Variants in SUMF1 observed in about 807,000 individuals in gnomAD.
SUMF1 encodes the protein formylglycine-generating enzyme.
Under a neutral mutation model 47.6 loss-of-function variants are expected in SUMF1, and 48 were observed. That is an observed-to-expected ratio of 1.01 (90% CI 0.80 to 1.28). SUMF1 has a LOEUF of 1.28. SUMF1 is among the 50% of genes most tolerant of loss of function. SUMF1 has a pLI of 0.00. For missense variants in SUMF1, 571 were observed against 485.4 expected, an observed-to-expected ratio of 1.18 and a Z score of -1.66; for synonymous variants, 230 against 192.1, an observed-to-expected ratio of 1.20 and a Z score of -1.63.
intron 8 of SUMF1, among the ~76,000 whole-genome samples, chr3:4,207,220 CTTA>C (rs1337679918): frequency 6.6e-6 from 1 of 152,050 alleles, no homozygotes; most frequent in Non-Finnish European, 1.5e-5. Context: ...GTTAAACTTG[CTTA>C]TTAAGGCAGA....
intron 8 of SUMF1, among the ~76,000 whole-genome samples, chr3:4,350,405 AAT>A (rs1699475020): frequency 6.6e-6 from 1 of 151,046 alleles, no homozygotes; most frequent in African/African-American, 2.4e-5. Context: ...ATATATATTC[AAT>A]ATATATCCAT....
intron 8 of SUMF1, among the ~76,000 whole-genome samples, chr3:4,324,038 G>A (rs1476184282): frequency 1.3e-5 from 2 of 152,088 alleles, no homozygotes; most frequent in African/African-American, 4.8e-5. Flanking sequence ...TATAGATTTA[G>A]CAGATGATGA....
chr3:4,139,402 C>T (rs561828682), intron 8 of SUMF1, among the ~76,000 whole-genome samples: 1 of 151,972 alleles, frequency 6.6e-6, no homozygotes, highest in African/African-American at 2.4e-5. Flanking sequence ...TAATAGCATT[C>T]TGTGAGAATC....
intron 8 of SUMF1, among the ~76,000 whole-genome samples, chr3:4,218,922 G>A (rs2125171972): frequency 6.6e-6 from 1 of 152,234 alleles, no homozygotes; most frequent in South Asian, 2.1e-4. Context: ...ATTAAACGCA[G>A]CCAAATTCGT....
intron 8 of SUMF1, among the ~76,000 whole-genome samples, chr3:4,200,301 C>A (rs1484812116): frequency 1.3e-5 from 2 of 150,644 alleles, no homozygotes; most frequent in Non-Finnish European, 2.9e-5. Context: ...TACAGTGTTT[C>A]CAGAGGAGAC....
chr3:4,312,134 C>G (rs533969364), intron 8 of SUMF1, among the ~76,000 whole-genome samples: 1 of 152,018 alleles, frequency 6.6e-6, no homozygotes, highest in Non-Finnish European at 1.5e-5. Flanking sequence ...CTAGTAATAT[C>G]TATTTAAGAA....
At chr3:4,301,664 G>T (rs1301398816) in intron 8 of SUMF1, among the ~76,000 whole-genome samples, 1 of 152,192 alleles carries the variant, frequency 6.6e-6, no homozygotes, top group Non-Finnish European at 1.5e-5. Context: ...GGAATACAGA[G>T]TAACTGGTTT....
chr3:4,329,375 ATCC>A (rs981938576), intron 8 of SUMF1, among the ~76,000 whole-genome samples: 2 of 152,162 alleles, frequency 1.3e-5, no homozygotes, highest in Non-Finnish European at 2.9e-5. Context: ...ATTTCCGTAC[ATCC>A]TCTGAAATAT....
chr3:4,270,140 A>G (rs1344174050), intron 8 of SUMF1, among the ~76,000 whole-genome samples: 2 of 152,158 alleles, frequency 1.3e-5, no homozygotes, highest in Non-Finnish European at 2.9e-5. Context: ...AACTGGGGTC[A>G]GAGCCGGACT....
chr3:4,353,275 C>T (rs574700727), intron 8 of SUMF1, among the ~76,000 whole-genome samples: 198 of 152,240 alleles, frequency 1.3e-3, no homozygotes, highest in Non-Finnish European at 2.5e-3. Flanking sequence ...TTTTTTGAGA[C>T]GGAATCTCAC....
chr3:4,105,144 C>T (rs111290631), intron 8 of SUMF1, among the ~76,000 whole-genome samples: 2 of 152,196 alleles, frequency 1.3e-5, no homozygotes, highest in Non-Finnish European at 2.9e-5. Context: ...AAGGCAAATA[C>T]TGCATGATCT....
chr3:4,203,464 C>T (rs976672951), intron 8 of SUMF1, among the ~76,000 whole-genome samples: 2 of 151,824 alleles, frequency 1.3e-5, no homozygotes, highest in Non-Finnish European at 2.9e-5. Flanking sequence ...TATTTTCAGC[C>T]TTTGTGTGTC....
chr3:4,295,683 G>C (rs1416201908), intron 8 of SUMF1, among the ~76,000 whole-genome samples: 1 of 152,086 alleles, frequency 6.6e-6, no homozygotes, highest in Admixed American at 6.5e-5. Context: ...ATTTCTTGCT[G>C]GTGATATTGC....
intron 8 of SUMF1, among the ~76,000 whole-genome samples, chr3:4,172,191 G>A (rs1006023804): frequency 6.6e-6 from 1 of 152,160 alleles, no homozygotes; most frequent in Non-Finnish European, 1.5e-5. Flanking sequence ...GCAATACATA[G>A]AAGTTGATTG....
rs757007700 is a variant in SUMF1, at chr3:4,128,103, C to T, written c.1015-59358G>A. ...AATGATGAACTCAGGGATTCTATCT[C>T]CTGGCTTCAGAAGCAGATACTGAGC... is the stretch of plus-strand genomic sequence containing the variant. On this transcript the variant is annotated intron_variant and NMD_transcript_variant, in intron 8 of 12. Transcript: ENST00000448413. Among the ~76,000 whole-genome samples the T allele has an allele frequency of 3.8e-4, 58 of 152,248 alleles. 1 individual carries two copies. Among genetic ancestry groups the T allele is most frequent in the Admixed American group, 7.9e-4 (12 of 15,284 alleles).
chr3:4,098,663 G>A lies in SUMF1; in HGVS notation c.1015-29918C>T, dbSNP rs748389426. Among the ~76,000 whole-genome samples, 7 of 152,230 alleles carry A rather than the reference G, an allele frequency of 4.6e-5. No homozygotes were observed. In the East Asian group the frequency reaches 1.4e-3, roughly 29 times the overall value. ...GCACAATATTTTCCCCCTAGAAACT[G>A]CATAATCATGCTAGCTAAACATTGG... On this transcript the variant is annotated intron_variant and NMD_transcript_variant, in intron 8 of 12. Coordinates refer to the SUMF1 transcript ENST00000448413.
chr3:4,403,957 G>A (rs1486585491), intron 7 of SUMF1, among the ~76,000 whole-genome samples: 2 of 152,182 alleles, frequency 1.3e-5, no homozygotes, highest in African/African-American at 4.8e-5. Flanking sequence ...GTAACATGAG[G>A]CTCTGAGGGT....
chr3:4,265,067 G>A (rs1226546207), intron 8 of SUMF1, among the ~76,000 whole-genome samples: 1 of 151,020 alleles, frequency 6.6e-6, no homozygotes, highest in Non-Finnish European at 1.5e-5. Flanking sequence ...AACCCGGGAG[G>A]TGGAGGCTGC....
At chr3:4,072,634 C>G (rs911786639) in intron 8 of SUMF1, among the ~76,000 whole-genome samples, 1 of 152,102 alleles carries the variant, frequency 6.6e-6, no homozygotes, top group Admixed American at 6.5e-5. Context: ...TAGAGTAGAA[C>G]ATAAATGACC....
Sources: gnomAD v4.1 joint callset for allele counts (sites outside exome capture counted in the v4.1 genomes callset) on GRCh38, gnomAD v4.1.1 for gene constraint, MANE v1.5 for transcripts, NCBI Gene and HGNC (gene_info 2026-07-23, HGNC 2026-07-21) for gene names.